Variants in G6PD observed in about 807,000 individuals in gnomAD.
G6PD encodes the protein glucose-6-phosphate 1-dehydrogenase.
Under a neutral mutation model 38.2 loss-of-function variants are expected in G6PD, and 2 were observed. The observed-to-expected ratio is 0.05, with a 90% CI of 0.02 to 0.16. The LOEUF is 0.16. Among genes scored for constraint, G6PD ranks in the 10% least tolerant of loss-of-function variants. G6PD has a pLI of 1.00. For missense variants in G6PD, 310 were observed against 471.6 expected, an observed-to-expected ratio of 0.66 and a Z score of 3.17; for synonymous variants, 188 against 196.0, an observed-to-expected ratio of 0.96 and a Z score of 0.34.
upstream of G6PD, chrX:154,546,876 C>CGGCGGG (rs782347347): frequency 1.0e-4 from 107 of 1,070,015 alleles, no homozygotes; most frequent in Admixed American, 1.2e-3. Flanking sequence ...CCCATTTAAT[C>CGGCGGG]GGCGGGGGCG....
chrX:154,545,982 G>C, intron 2 of G6PD, 54 bp downstream of exon 2: 1 of 1,201,447 alleles, frequency 8.3e-7, no homozygotes, highest in Non-Finnish European at 1.1e-6. Flanking sequence ...GAAAAGCTGA[G>C]GCATGGAGCA....
chrX:154,532,308 G>A (rs2070347461), intron 11 of G6PD, 28 bp from the exon 12 acceptor site: 1 of 1,208,508 alleles, frequency 8.3e-7, no homozygotes, highest in Non-Finnish European at 1.1e-6. Context: ...GGCTTGGGAG[G>A]CCGGTGGCAC....
At chrX:154,536,472 T>C (rs1188130518) in intron 2 of G6PD, among the ~76,000 whole-genome samples, 1 of 112,218 alleles carries the variant, frequency 8.9e-6, no homozygotes, top group East Asian at 2.8e-4. Flanking sequence ...TTGTGAGACG[T>C]GACCTCAAGT....
intron 2 of G6PD, 59 bp downstream of exon 2, chrX:154,545,977 G>A (rs782116762): frequency 1.5e-5 from 18 of 1,193,711 alleles, no homozygotes; most frequent in East Asian, 3.0e-5. Flanking sequence ...AGTTGGAAAA[G>A]CTGAGGCATG....
intron 2 of G6PD, among the ~76,000 whole-genome samples, chrX:154,540,228 T>G (rs1390223024): frequency 9.2e-6 from 1 of 108,419 alleles, no homozygotes; most frequent in Non-Finnish European, 1.9e-5. Context: ...CCTAGCACTT[T>G]GGGAGGTTGA....
Position 154,546,835 on chromosome X carries a change from A to G in G6PD, c.-55T>C. The G allele has an allele frequency of 8.7e-7, 1 of 1,145,002 alleles. No individual in the cohort carries two copies. Among genetic ancestry groups the G allele is most frequent in the Non-Finnish European group, 1.2e-6 (1 of 864,483 alleles). The allele number at this position is 1,145,002 out of a possible 1,213,427, so 94.4% of individuals were successfully genotyped here. A position where few individuals can be genotyped will look rare whatever the true frequency, so the allele number is the denominator to read the frequency against. ...CTCCGCGCTCGCAGCCCCGAAGTGT[A>G]CGACCGTTTCCGGGGGCTGAGCCCC... On this transcript the variant is annotated 5_prime_UTR_variant, in exon 1 of 13. Transcript: ENST00000393562.
At chrX:154,545,959 C>A (rs1249736939) in intron 2 of G6PD, 77 bp downstream of exon 2, 40 of 1,167,429 alleles carry the variant, frequency 3.4e-5, no homozygotes, top group Non-Finnish European at 1.7e-5. Context: ...TGGGGCCCTG[C>A]AACAATTAGT....
At position 154,531,518 on chromosome X, in the gene G6PD, G is replaced by A. The variant is rs1239160856; in HGVS notation, c.*482C>T. The A allele has an allele frequency of 1.2e-5, 2 of 166,476 alleles. No individual in the cohort carries two copies. Among genetic ancestry groups the A allele is most frequent in the Non-Finnish European group, 1.2e-5 (1 of 86,843 alleles). The allele number at this position is 166,476 out of a possible 1,213,427, so 13.7% of individuals were successfully genotyped here. On this transcript the variant is annotated 3_prime_UTR_variant, in exon 13 of 13. Transcript: ENST00000393562. ...GTGGCCATGGAGTGCAGAGTTGGTG[G>A]GACAGGGGACATCCAGGGGGCTCGA...
chrX:154,533,547 G>A, intron 8 of G6PD, 29 bp downstream of exon 8: 1 of 1,207,938 alleles, frequency 8.3e-7, no homozygotes, highest in Non-Finnish European at 1.1e-6. Context: ...GACAGGGCAT[G>A]CTCCTGGGGA....
Position 154,532,764 on chromosome X carries a change from C to T in G6PD, c.1090G>A (p.Glu364Lys). Residue 364 changes from glutamate (E) to lysine (K), a missense_variant, in exon 10 of 13, where the codon GAG becomes AAG. By Grantham distance (56) the Glu-to-Lys change is moderately conservative. This residue lies in a region of G6PD where 168 missense variants were observed against 309.2 expected (regional missense o/e 0.54). Transcript: ENST00000393562. ...TGCAGCCTCACCTCGGCCTTGCGCT[C>T]GTTCAGGGCCTTGCCGCAGCGCAGG... ...FILRCGKALN[E>K]RKAEVRLQFH... 8.3e-7 allele frequency: 1 copy of T among 1,210,178 alleles called. No individual in the cohort carries two copies. Among genetic ancestry groups the T allele is most frequent in the Non-Finnish European group, 1.1e-6 (1 of 894,591 alleles).
intron 2 of G6PD, among the ~76,000 whole-genome samples, chrX:154,537,420 C>A (rs1482402745): frequency 2.7e-5 from 3 of 112,142 alleles, no homozygotes; most frequent in Non-Finnish European, 5.6e-5. Flanking sequence ...GAGTTCAAGA[C>A]CAGCCTGACC....
chrX:154,538,632 T>A (rs781939662), intron 2 of G6PD, among the ~76,000 whole-genome samples: 12 of 111,745 alleles, frequency 1.1e-4, no homozygotes, highest in Admixed American at 5.7e-4. Flanking sequence ...AGGGCATCTA[T>A]AAAACACCAT....
intron 2 of G6PD, among the ~76,000 whole-genome samples, chrX:154,536,990 C>T (rs1326453400): frequency 8.9e-6 from 1 of 112,582 alleles, no homozygotes; most frequent in Admixed American, 9.4e-5. Flanking sequence ...AAACAGACAA[C>T]CCCCTGGCAT....
At chrX:154,534,944 G>A (rs1346610308) in intron 5 of G6PD, 11 of 445,262 alleles carry the variant, frequency 2.5e-5, no homozygotes, top group East Asian at 7.5e-5. Flanking sequence ...TGCTGCATTC[G>A]CAGAGCAAGG....
chrX:154,541,936 G>T (rs993332212), intron 2 of G6PD, among the ~76,000 whole-genome samples: 2 of 112,368 alleles, frequency 1.8e-5, no homozygotes, highest in African/African-American at 6.5e-5. Flanking sequence ...GGTCACTGGG[G>T]TTAAGGACCT....
intron 2 of G6PD, among the ~76,000 whole-genome samples, chrX:154,543,181 G>C (rs1396031635): frequency 5.3e-5 from 6 of 112,364 alleles, no homozygotes; most frequent in African/African-American, 1.9e-4. Flanking sequence ...TTCAGAGAGA[G>C]GACCCCTTGT....
chrX:154,544,711 A>G (rs1000907549), intron 2 of G6PD, among the ~76,000 whole-genome samples: 1 of 111,749 alleles, frequency 8.9e-6, no homozygotes, highest in Non-Finnish European at 1.9e-5. Flanking sequence ...GTCAGAGGAC[A>G]ATGGCCCCTC....
At chrX:154,544,620 G>C (rs2070639838) in intron 2 of G6PD, among the ~76,000 whole-genome samples, 1 of 112,246 alleles carries the variant, frequency 8.9e-6, no homozygotes, top group African/African-American at 3.2e-5. Flanking sequence ...GAGGGGACCA[G>C]GCTGGGGCTG....
intron 2 of G6PD, among the ~76,000 whole-genome samples, chrX:154,537,137 C>G (rs2070417781): frequency 9.0e-6 from 1 of 110,637 alleles, no homozygotes; most frequent in Non-Finnish European, 1.9e-5. Context: ...AACCCCGCCT[C>G]TACCAAAAAT....
Sources: gnomAD v4.1 joint callset for allele counts (sites outside exome capture counted in the v4.1 genomes callset) on GRCh38, gnomAD v4.1.1 for gene constraint, gnomAD v4.1.1 regional missense constraint, MANE v1.5 for transcripts, NCBI Gene and HGNC (gene_info 2026-07-23, HGNC 2026-07-21) for gene names.